The following MED13L variants were observed in gnomAD, a reference collection of about 807,000 sequenced individuals.
MED13L encodes mediator of RNA polymerase II transcription subunit 13-like.
A neutral mutation model predicts 220.9 loss-of-function variants in MED13L; 7 were observed. The ratio of observed to expected loss-of-function variants is 0.03; its 90% CI spans 0.02 to 0.06. The LOEUF (loss-of-function observed/expected upper bound fraction) is 0.06. Ranked by LOEUF, MED13L falls within the 10% of genes least tolerant of loss-of-function variation. The pLI, the probability that MED13L is intolerant of heterozygous loss-of-function variation, is 1.00. For synonymous variants in MED13L, 1,011 were observed against 1,015.2 expected (o/e 1.00, Z 0.08); for missense variants, 1,965 against 2,760.5 (o/e 0.71, Z 6.46).
chr12:116,235,120 A>G (rs907088671), intron 2 of MED13L, among the ~76,000 whole-genome samples: 26 of 152,148 alleles, frequency 1.7e-4, no homozygotes, highest in Non-Finnish European at 3.7e-4. Context: ...TTTGAAACAA[A>G]GTTGTCTTTA....
chr12:116,012,588 G>A (rs890093735), intron 9 of MED13L, among the ~76,000 whole-genome samples: 3 of 152,158 alleles, frequency 2.0e-5, no homozygotes, highest in Admixed American at 2.0e-4. Flanking sequence ...AGTTGTGGGA[G>A]CAATATGTTA....
At chr12:116,102,703 CTTTTTTCTTTTTTTTTTTTTT>C (rs1873181962) in intron 3 of MED13L, among the ~76,000 whole-genome samples, 1 of 63,216 alleles carries the variant, frequency 1.6e-5, no homozygotes, top group African/African-American at 5.3e-5. Context: ...TTTTCTTTTT[CTTTTTTCTTTTTTTTTTTTTT>C]TTTTTTTTTT....
intron 4 of MED13L, among the ~76,000 whole-genome samples, chr12:116,034,985 A>G (rs965668145): frequency 2.0e-5 from 3 of 152,232 alleles, no homozygotes; most frequent in Non-Finnish European, 2.9e-5. Context: ...AGCCTGAACG[A>G]AAAAGCGAGA....
intron 3 of MED13L, among the ~76,000 whole-genome samples, chr12:116,100,695 G>A (rs886793057): frequency 4.6e-5 from 7 of 151,614 alleles, no homozygotes; most frequent in African/African-American, 1.7e-4. Context: ...AGAACAGCTT[G>A]AGGCCAGGAG....
intron 2 of MED13L, among the ~76,000 whole-genome samples, chr12:116,177,912 G>A (rs1880193131): frequency 6.6e-6 from 1 of 152,088 alleles, no homozygotes; most frequent in Non-Finnish European, 1.5e-5. Context: ...GGAGTGTACA[G>A]TGGCACAATC....
intron 4 of MED13L, among the ~76,000 whole-genome samples, chr12:116,031,806 A>G (rs1017066182): frequency 2.0e-5 from 3 of 150,654 alleles, no homozygotes; most frequent in African/African-American, 4.9e-5. Context: ...GAAGGAAAGA[A>G]AGAGAGAAAG....
Position 116,008,589 on chromosome 12 carries a change from G to C in MED13L, c.1824C>G (p.Leu608=). Residue 608 remains leucine, a synonymous_variant, in exon 10 of 31, where the codon CTC becomes CTG. Coordinates refer to ENST00000281928, the MANE Select transcript of MED13L (RefSeq NM_015335.5). ...RTVLVGQRLP[L]MAEVSETALY... Reference sequence around the variant, plus strand: ...AGGCTGTCTCGCTGACCTCTGCCATGAGAGGCAGTCTTTGGCCTACGAGGA... The same window carrying C: ...AGGCTGTCTCGCTGACCTCTGCCATCAGAGGCAGTCTTTGGCCTACGAGGA... 6.2e-7 allele frequency: 1 copy of C among 1,614,058 alleles called. No homozygotes were observed. The highest frequency in any genetic ancestry group is 8.5e-7 in the Non-Finnish European group (1 of 1,179,998).
At chr12:116,259,110 AC>A (rs1293699126) in intron 1 of MED13L, among the ~76,000 whole-genome samples, 14 of 152,316 alleles carry the variant, frequency 9.2e-5, no homozygotes, top group African/African-American at 3.1e-4. Context: ...AAGAATCTTA[AC>A]GTTTCTCATA....
chr12:116,222,224 A>G (rs1593180723), intron 2 of MED13L, among the ~76,000 whole-genome samples: 1 of 152,342 alleles, frequency 6.6e-6, no homozygotes, highest in East Asian at 1.9e-4. Flanking sequence ...ACCATAAAAT[A>G]AAGACATAAT....
chr12:115,963,601 C>T (rs1330448056), intron 29 of MED13L, 82 bp from the exon 30 acceptor site: 1 of 1,021,124 alleles, frequency 9.8e-7, no homozygotes, highest in African/African-American at 1.6e-5. Context: ...CTGCCAGAAG[C>T]AGATGCTCCC....
chr12:116,104,974 T>C (rs140097645), intron 3 of MED13L, among the ~76,000 whole-genome samples: 1 of 152,336 alleles, frequency 6.6e-6, no homozygotes, highest in African/African-American at 2.4e-5. Context: ...TTTCCGGCTT[T>C]TTAAAACTTT....
intron 1 of MED13L, among the ~76,000 whole-genome samples, chr12:116,269,466 CAAAAAAAAA>C (rs34100053): frequency 1.4e-4 from 10 of 69,144 alleles, no homozygotes; most frequent in African/African-American, 3.7e-4. Context: ...TTAAACTATG[CAAAAAAAAA>C]AAAAAAAAAA....
In MED13L at chr12:115,986,451, G is replaced by C. The variant is rs1271816234; in HGVS notation, c.4153C>G (p.Leu1385Val). The change falls in exon 19 of 31, where the codon CTG (leucine) becomes GTG (valine). Residue 1385 changes from leucine to valine, a missense_variant. Physicochemically the swap from Leu to Val is conservative, Grantham distance 32. This residue lies in a region of MED13L where 510 missense variants were observed against 620.4 expected (regional missense o/e 0.82). Coordinates refer to ENST00000281928, the MANE Select transcript of MED13L (RefSeq NM_015335.5). ...ESPEPLPIPT[L>V]LVGYDKDFLT... is the part of the protein sequence containing the mutation. ...AAATCCTTGTCATAGCCTACCAGCAGAGTGGGGATGGGCAACGGCTCAGGA... is the reference window on the plus strand; with the variant it reads ...AAATCCTTGTCATAGCCTACCAGCACAGTGGGGATGGGCAACGGCTCAGGA... 4 of 1,614,008 alleles carry C rather than the reference G, an allele frequency of 2.5e-6. No individual in the cohort carries two copies. The highest frequency in any genetic ancestry group is 2.2e-5 in the South Asian group (2 of 91,084).
intron 27 of MED13L, 86 bp from the exon 28 acceptor site, chr12:115,969,183 A>G (rs1361000548): frequency 4.8e-6 from 7 of 1,465,148 alleles, no homozygotes; most frequent in Non-Finnish European, 5.6e-6. Context: ...AACCTATGTC[A>G]TGTTTTGTTG....
chr12:116,062,488 G>GTTTTT (rs56251325), intron 4 of MED13L, among the ~76,000 whole-genome samples: 4 of 97,372 alleles, frequency 4.1e-5, no homozygotes, highest in African/African-American at 4.3e-5. Context: ...CTCTCTCTGT[G>GTTTTT]TTTTTTTTTT....
At chr12:116,267,867 C>T (rs1026178116) in intron 1 of MED13L, among the ~76,000 whole-genome samples, 2 of 152,160 alleles carry the variant, frequency 1.3e-5, no homozygotes, top group African/African-American at 4.8e-5. Context: ...GGAGTAAGAA[C>T]ATGTCTCATG....
intron 3 of MED13L, among the ~76,000 whole-genome samples, chr12:116,108,581 A>G (rs1873802734): frequency 6.6e-6 from 1 of 152,226 alleles, no homozygotes; most frequent in East Asian, 1.9e-4. Flanking sequence ...GAACAAAGTT[A>G]CATTAAGTTT....
At chr12:116,266,264 G>A (rs531186962) in intron 1 of MED13L, among the ~76,000 whole-genome samples, 1 of 152,276 alleles carries the variant, frequency 6.6e-6, no homozygotes, top group South Asian at 2.1e-4. Context: ...CTTGTCTCCA[G>A]GGCTGAGTGA....
chr12:116,100,206 C>G (rs1408214589), intron 3 of MED13L, among the ~76,000 whole-genome samples: 1 of 151,972 alleles, frequency 6.6e-6, no homozygotes, highest in Non-Finnish European at 1.5e-5. Flanking sequence ...CTAAGGAAGA[C>G]CTAATTGATA....
Sources: allele counts gnomAD v4.1 joint callset (sites outside exome capture counted in the v4.1 genomes callset), GRCh38; gene constraint gnomAD v4.1.1; regional missense constraint gnomAD v4.1.1; transcripts MANE v1.5; gene names NCBI Gene and HGNC (gene_info 2026-07-23, HGNC 2026-07-21).